The following STAG1 variants were observed in gnomAD, a reference collection of about 807,000 sequenced individuals.
STAG1 encodes cohesin subunit SA-1.
In STAG1, 26 loss-of-function variants were observed where a neutral mutation model predicts 170.9. That is an observed-to-expected ratio of 0.15 (90% CI 0.11 to 0.21). The LOEUF (loss-of-function observed/expected upper bound fraction) is 0.21, where lower values mean the gene tolerates loss of function less well. Ranked by LOEUF, STAG1 falls within the 10% of genes least tolerant of loss-of-function variation. The probability of loss-of-function intolerance (pLI) is 1.00; values close to 1 mark genes in which losing one functional copy is unlikely to be tolerated. For synonymous variants in STAG1, 514 were observed against 497.7 expected (o/e 1.03, Z -0.44); for missense variants, 964 against 1,509.5 (o/e 0.64, Z 5.99).
Position 136,568,837 on chromosome 3 carries a change from A to G in STAG1, c.322T>C (p.Ser108Pro), listed in dbSNP as rs780437471. Residue 108 changes from serine (S) to proline (P), a missense_variant, in exon 5 of 34, where the codon TCA becomes CCA. By Grantham distance (74) the Ser-to-Pro change is moderately conservative. Transcript: ENST00000383202. ...MQSVVDDWIESYKQDRDIALL... is the reference protein window; with the variant it reads ...MQSVVDDWIEPYKQDRDIALL... ...GCGATGTCCCTGTCTTGTTTATATG[A>G]TTCAATCCAGTCATCCACCACGGAC... 3 of 1,612,222 alleles carry G rather than the reference A, an allele frequency of 1.9e-6. No individual in the cohort carries two copies. Among genetic ancestry groups the G allele is most frequent in the East Asian group, 4.5e-5 (2 of 44,776 alleles).
chr3:136,572,598 T>A (rs1356040753), intron 4 of STAG1, among the ~76,000 whole-genome samples: 1 of 71,596 alleles, frequency 1.4e-5, no homozygotes, highest in Admixed American at 1.7e-4. Flanking sequence ...AGCAAGACTG[T>A]CTCAAAAAAA....
intron 9 of STAG1, among the ~76,000 whole-genome samples, chr3:136,484,621 T>C (rs375188678): frequency 1.7e-4 from 25 of 149,342 alleles, no homozygotes; most frequent in African/African-American, 4.2e-4. Flanking sequence ...TCGAGCTTCC[T>C]GGCTGCTTTG....
At chr3:136,375,965 T>C (rs1304071126) in intron 23 of STAG1, among the ~76,000 whole-genome samples, 3 of 99,536 alleles carry the variant, frequency 3.0e-5, no homozygotes, top group Admixed American at 1.2e-4. Flanking sequence ...GGAGACTCCG[T>C]CTCAAAATAA....
At chr3:136,739,100 G>C (rs1040389324) in intron 1 of STAG1, among the ~76,000 whole-genome samples, 16 of 152,154 alleles carry the variant, frequency 1.1e-4, no homozygotes, top group Non-Finnish European at 2.9e-5. Context: ...TCAACATGCA[G>C]AAATGAGGCT....
chr3:136,672,643 T>C (rs1436483982), intron 1 of STAG1, among the ~76,000 whole-genome samples: 2 of 152,050 alleles, frequency 1.3e-5, no homozygotes, highest in Non-Finnish European at 2.9e-5. Flanking sequence ...AGTCAACAAC[T>C]AGAGTACTTA....
chr3:136,588,169 G>A (rs1032537924), intron 4 of STAG1, among the ~76,000 whole-genome samples: 1 of 152,134 alleles, frequency 6.6e-6, no homozygotes, highest in Non-Finnish European at 1.5e-5. Flanking sequence ...TATCTACTGG[G>A]GAGGGTAATC....
chr3:136,579,204 C>T (rs1937541271), intron 4 of STAG1, among the ~76,000 whole-genome samples: 1 of 152,194 alleles, frequency 6.6e-6, no homozygotes, highest in Non-Finnish European at 1.5e-5. Context: ...CTCACTAACT[C>T]CTTTTTCTCC....
chr3:136,498,233 T>TATATATACACAC, intron 9 of STAG1, among the ~76,000 whole-genome samples: 10 of 57,508 alleles, frequency 1.7e-4, no homozygotes, highest in African/African-American at 2.1e-4. Context: ...TATATATATA[T>TATATATACACAC]ACACATACAT....
chr3:136,356,845 T>C (rs1327069459), intron 28 of STAG1, among the ~76,000 whole-genome samples: 1 of 151,730 alleles, frequency 6.6e-6, no homozygotes, highest in Non-Finnish European at 1.5e-5. Flanking sequence ...CTCTGCCACT[T>C]GGGTTCAAGC....
intron 1 of STAG1, among the ~76,000 whole-genome samples, chr3:136,688,639 G>C (rs758483415): frequency 1.3e-5 from 2 of 152,170 alleles, no homozygotes; most frequent in Non-Finnish European, 2.9e-5. Context: ...TGATTTGCCT[G>C]CCTTGGCCTC....
At chr3:136,360,747 C>A (rs1936832325) in intron 26 of STAG1, among the ~76,000 whole-genome samples, 1 of 152,116 alleles carries the variant, frequency 6.6e-6, no homozygotes, top group Non-Finnish European at 1.5e-5. Context: ...TGGCTCACTG[C>A]AAGCTCCACC....
chr3:136,610,968 G>A (rs765786395), intron 3 of STAG1, among the ~76,000 whole-genome samples: 1 of 151,824 alleles, frequency 6.6e-6, no homozygotes, highest in African/African-American at 2.4e-5. Flanking sequence ...TTAATATATG[G>A]GTTGAGTACC....
chr3:136,657,900 C>T (rs1317248322), intron 1 of STAG1, among the ~76,000 whole-genome samples: 1 of 152,016 alleles, frequency 6.6e-6, no homozygotes, highest in East Asian at 1.9e-4. Context: ...TGTGGATTTC[C>T]CTGTTGACTT....
At chr3:136,473,741 C>A (rs1290496604) in intron 10 of STAG1, 104 bp from the exon 11 acceptor site, 7 of 770,096 alleles carry the variant, frequency 9.1e-6, no homozygotes, top group Non-Finnish European at 1.5e-5. Flanking sequence ...TGACTTACTG[C>A]ATATTGTAAT....
At chr3:136,603,724 A>G (rs1260689947) in intron 4 of STAG1, among the ~76,000 whole-genome samples, 4 of 152,050 alleles carry the variant, frequency 2.6e-5, no homozygotes, top group Non-Finnish European at 5.9e-5. Flanking sequence ...CTCTACTAAA[A>G]AACATACAAA....
intron 4 of STAG1, among the ~76,000 whole-genome samples, chr3:136,598,487 C>T (rs1477884275): frequency 6.6e-6 from 1 of 150,864 alleles, no homozygotes; most frequent in African/African-American, 2.4e-5. Context: ...AGTGCAATGG[C>T]GCAATCTCGG....
chr3:136,656,021 C>T (rs368602501), intron 1 of STAG1, among the ~76,000 whole-genome samples: 2 of 152,074 alleles, frequency 1.3e-5, no homozygotes, highest in African/African-American at 2.4e-5. Flanking sequence ...AAGGAAGCAA[C>T]TCAAACTGAC....
chr3:136,360,497 C>T (rs1936819675), intron 26 of STAG1, among the ~76,000 whole-genome samples: 1 of 152,180 alleles, frequency 6.6e-6, no homozygotes, highest in Admixed American at 6.5e-5. Flanking sequence ...TCTCACCTCC[C>T]AATCTCTCAA....
At chr3:136,663,586 C>A (rs1397044954) in intron 1 of STAG1, among the ~76,000 whole-genome samples, 2 of 152,116 alleles carry the variant, frequency 1.3e-5, no homozygotes, top group African/African-American at 4.8e-5. Context: ...CATGGCTCCT[C>A]ATGTAGATAT....
Sources: gnomAD v4.1 joint callset for allele counts (sites outside exome capture counted in the v4.1 genomes callset) on GRCh38, gnomAD v4.1.1 for gene constraint, MANE v1.5 for transcripts, NCBI Gene and HGNC (gene_info 2026-07-23, HGNC 2026-07-21) for gene names.